PTTG1IP: variants seen among roughly 807,000 people sequenced by gnomAD.
The protein encoded by PTTG1IP is pituitary tumor-transforming gene 1 protein-interacting protein.
PTTG1IP carries 16 observed loss-of-function variants against 24.4 expected under a neutral mutation model. The ratio of observed to expected loss-of-function variants is 0.66; its 90% CI spans 0.44 to 1.00. PTTG1IP has a LOEUF of 1.00. PTTG1IP is among the 50% of genes least tolerant of loss of function. The probability of loss-of-function intolerance (pLI) is 0.00; values close to 1 mark genes in which losing one functional copy is unlikely to be tolerated. For missense variants in PTTG1IP, 241 were observed against 245.8 expected (o/e 0.98, Z 0.13); for synonymous variants, 89 against 96.8 (o/e 0.92, Z 0.47).
chr21:44,872,450 C>T (rs146770926), intron 1 of PTTG1IP, among the ~76,000 whole-genome samples: 1 of 152,276 alleles, frequency 6.6e-6, no homozygotes, highest in Non-Finnish European at 1.5e-5. Context: ...TCAAGCTGGG[C>T]CCAGGTCAAC....
intron 3 of PTTG1IP, among the ~76,000 whole-genome samples, chr21:44,860,088 G>T (rs2083478519): frequency 6.6e-6 from 1 of 152,186 alleles, no homozygotes; most frequent in South Asian, 2.1e-4. Context: ...AAACTACGGG[G>T]CTGGGCGCAG....
chr21:44,854,222 C>T (rs1157582565), intron 5 of PTTG1IP, among the ~76,000 whole-genome samples: 1 of 152,134 alleles, frequency 6.6e-6, no homozygotes, highest in Non-Finnish European at 1.5e-5. Context: ...CCTAAAATAC[C>T]ACAAATATAT....
At chr21:44,866,567 G>C (rs1601256228) in intron 1 of PTTG1IP, among the ~76,000 whole-genome samples, 1 of 87,316 alleles carries the variant, frequency 1.1e-5, no homozygotes, top group Non-Finnish European at 2.2e-5. Flanking sequence ...CACACACACA[G>C]ACTGCCTACT....
At chr21:44,856,541 C>A (rs189754175) in intron 3 of PTTG1IP, among the ~76,000 whole-genome samples, 177 bp from the exon 4 acceptor site, 1 of 152,226 alleles carries the variant, frequency 6.6e-6, no homozygotes, top group African/African-American at 2.4e-5. Context: ...GCCTCCACCC[C>A]ACAGGGTCCC....
intron 4 of PTTG1IP, 76 bp downstream of exon 4, chr21:44,856,117 C>G (rs2083447704): frequency 5.6e-6 from 9 of 1,612,264 alleles, no homozygotes; most frequent in Admixed American, 1.7e-5. Context: ...CAGGATGTAT[C>G]CATGTGATTT....
chr21:44,855,386 T>G (rs185462795), intron 4 of PTTG1IP, 130 bp from the exon 5 acceptor site: 6 of 955,960 alleles, frequency 6.3e-6, no homozygotes, highest in African/African-American at 1.6e-5. Flanking sequence ...GTTCCCAGAG[T>G]GAAACCAGGG....
In PTTG1IP at chr21:44,851,403, A is replaced by C. The variant is rs756768129; in HGVS notation, c.*178T>G. ...GATGAACAGGGAATAGAAGGTCACC[A>C]GTCTGCAAGACGAGAGGACTGTCCT... On this transcript the variant is annotated 3_prime_UTR_variant, in exon 6 of 6. Coordinates refer to ENST00000330938, the MANE Select transcript of PTTG1IP (RefSeq NM_004339.4). 1 of 1,563,060 alleles carries C rather than the reference A, an allele frequency of 6.4e-7. No homozygotes were observed. The highest frequency in any genetic ancestry group is 2.4e-5 in the East Asian group (1 of 42,366).
At chr21:44,854,375 C>T (rs748909038) in intron 5 of PTTG1IP, among the ~76,000 whole-genome samples, 8 of 152,212 alleles carry the variant, frequency 5.3e-5, no homozygotes, top group Admixed American at 3.3e-4. Context: ...CTGAGGCCCA[C>T]GGCTGCCATG....
At chr21:44,873,406 G>T (rs2083606606) in intron 1 of PTTG1IP, 96 bp downstream of exon 1, 1 of 1,146,276 alleles carries the variant, frequency 8.7e-7, no homozygotes, top group Non-Finnish European at 1.1e-6. Flanking sequence ...CGCCCGCCGA[G>T]CCCAGCGCCC....
At chr21:44,859,169 G>A (rs145297811) in intron 3 of PTTG1IP, among the ~76,000 whole-genome samples, 21 of 152,258 alleles carry the variant, frequency 1.4e-4, no homozygotes, top group East Asian at 7.7e-4. Context: ...CACGAATCTC[G>A]GGCACATGCT....
intron 1 of PTTG1IP, among the ~76,000 whole-genome samples, chr21:44,870,201 A>ATT (rs2083573128): frequency 6.6e-6 from 1 of 152,222 alleles, no homozygotes; most frequent in African/African-American, 2.4e-5. Flanking sequence ...AAAGATGAAA[A>ATT]AAGGTCATTC....
intron 2 of PTTG1IP, among the ~76,000 whole-genome samples, chr21:44,862,660 G>A (rs1034281895): frequency 1.3e-5 from 2 of 152,202 alleles, no homozygotes; most frequent in African/African-American, 2.4e-5. Context: ...AAGTCATGGC[G>A]TTTTTGGCCC....
At chr21:44,871,797 C>T (rs950842062) in intron 1 of PTTG1IP, among the ~76,000 whole-genome samples, 13 of 152,158 alleles carry the variant, frequency 8.5e-5, no homozygotes, top group African/African-American at 2.9e-4. Flanking sequence ...CAACATGACA[C>T]GGCACCATTC....
chr21:44,870,385 A>G (rs1337363383), intron 1 of PTTG1IP, among the ~76,000 whole-genome samples: 1 of 152,024 alleles, frequency 6.6e-6, no homozygotes, highest in Non-Finnish European at 1.5e-5. Flanking sequence ...TACTAAAAAT[A>G]CGAAAATTAG....
At position 44,865,423 on chromosome 21, in the gene PTTG1IP, G is replaced by T; in HGVS notation, c.140C>A (p.Thr47Asn). Residue 47 changes from threonine (T) to asparagine (N), a missense_variant, in exon 2 of 6, where the codon ACC (threonine) becomes AAC (asparagine). Transcript: ENST00000330938. ...GACGTTCTTCAGGCACTCTTCACAGGTTTTGTTTGTGTTCTGAGAACAAGC... is the reference window on the plus strand; with the variant it reads ...GACGTTCTTCAGGCACTCTTCACAGTTTTTGTTTGTGTTCTGAGAACAAGC... ...GAACSQNTNK[T>N]CEECLKNVSC... 6.2e-7 allele frequency: 1 copy of T among 1,614,172 alleles called. No individual in the cohort carries two copies. The highest frequency in any genetic ancestry group is 8.5e-7 in the Non-Finnish European group (1 of 1,180,030).
Position 44,851,079 on chromosome 21 carries a change from G to T in PTTG1IP, c.*502C>A. 2.8e-6 allele frequency: 1 copy of T among 354,206 alleles called. No individual in the cohort carries two copies. The highest frequency in any genetic ancestry group is 4.4e-5 in the East Asian group (1 of 22,482). The allele number at this position is 354,206 out of a possible 1,614,324, so 21.9% of individuals were successfully genotyped here. A position where few individuals can be genotyped will look rare whatever the true frequency, so the allele number is the denominator to read the frequency against. The stretch of plus-strand genomic sequence containing the variant: ...CGTGTCATCAGCAAAAGCCGTGTGA[G>T]TCAACAGGTGTGAAGACTCAAGATG... On this transcript the variant is annotated 3_prime_UTR_variant, in exon 6 of 6. Transcript: ENST00000330938.
chr21:44,852,460 C>T (rs1033689210), intron 5 of PTTG1IP, among the ~76,000 whole-genome samples: 2 of 152,048 alleles, frequency 1.3e-5, no homozygotes, highest in Non-Finnish European at 2.9e-5. Context: ...GGATTACAGG[C>T]GTGAGCCACC....
rs1311534111 is a variant in PTTG1IP at position 44,851,620 on chromosome 21, A to C, written c.504T>G (p.Phe168Leu). 1 of 1,579,998 alleles carries C rather than the reference A, an allele frequency of 6.3e-7. No individual in the cohort carries two copies. Among genetic ancestry groups the C allele is most frequent in the African/African-American group, 1.4e-5 (1 of 73,952 alleles). Residue 168 changes from phenylalanine to leucine, a missense_variant, in exon 6 of 6, where the codon TTT becomes TTG. Physicochemically the swap from Phe to Leu is conservative, Grantham distance 22 (BLOSUM62 0). Coordinates refer to ENST00000330938, the MANE Select transcript of PTTG1IP (RefSeq NM_004339.4). ...HDEIRKKYGLFKEENPYARFE... is the reference protein window; with the variant it reads ...HDEIRKKYGLLKEENPYARFE... ...ATCTAGCATACGGGTTTTCTTCTTT[A>C]AACAGGCCTGAAACAAAATAAACTT...
At chr21:44,863,842 C>T (rs66467973) in intron 2 of PTTG1IP, among the ~76,000 whole-genome samples, 10,439 of 152,324 alleles carry the variant, frequency 0.069, 336 homozygotes, top group East Asian at 0.092. Context: ...CACTTAAGTC[C>T]CACAAACTGA....
Sources: gnomAD v4.1 joint callset for allele counts (sites outside exome capture counted in the v4.1 genomes callset) on GRCh38, gnomAD v4.1.1 for gene constraint, MANE v1.5 for transcripts, NCBI Gene and HGNC (gene_info 2026-07-23, HGNC 2026-07-21) for gene names.